ZFHX3: variants seen among roughly 807,000 people sequenced by gnomAD.
ZFHX3 encodes the protein zinc finger homeobox 3.
Under a neutral mutation model 279.1 loss-of-function variants are expected in ZFHX3, and 42 were observed. The ratio of observed to expected loss-of-function variants is 0.15; its 90% CI spans 0.12 to 0.19. The LOEUF is 0.19. ZFHX3 is among the 10% of genes least tolerant of loss of function. The pLI is 1.00. For synonymous variants in ZFHX3, 2,293 were observed against 1,957.8 expected, an observed-to-expected ratio of 1.17 and a Z score of -4.52; for missense variants, 4,981 against 4,754.0, an observed-to-expected ratio of 1.05 and a Z score of -1.40.
Position 73,068,725 on chromosome 16 carries a change from A to G in ZFHX3, c.-532-9713T>C, listed in dbSNP as rs568383290. 3.9e-5 allele frequency among the ~76,000 whole-genome samples: 6 copies of G among 152,330 alleles called. No homozygotes were observed. The East Asian group carries it at 9.6e-4, about 24-fold the overall frequency. On this transcript the variant is annotated intron_variant, in intron 8 of 17. Coordinates refer to the ZFHX3 transcript ENST00000641206. Reference sequence around the variant, plus strand: ...CAGATGACCAACTGCTCATGAAAAAATATGAGGAAATCCAGTAGACAGGGA... The same window carrying G: ...CAGATGACCAACTGCTCATGAAAAAGTATGAGGAAATCCAGTAGACAGGGA...
At chr16:73,207,407 C>A (rs2144906430) in intron 5 of ZFHX3, among the ~76,000 whole-genome samples, 1 of 152,262 alleles carries the variant, frequency 6.6e-6, no homozygotes, top group African/African-American at 2.4e-5. Flanking sequence ...AATGAGAAGG[C>A]TACCTGTGGT....
chr16:72,884,892 G>A (rs1244546551), intron 4 of ZFHX3, among the ~76,000 whole-genome samples: 1 of 152,222 alleles, frequency 6.6e-6, no homozygotes, highest in Admixed American at 6.5e-5. Flanking sequence ...GGCCAGTGAT[G>A]ACGAGTGGTT....
chr16:73,762,402 T>C (rs1252142612), intron 1 of ZFHX3, among the ~76,000 whole-genome samples: 1 of 152,300 alleles, frequency 6.6e-6, no homozygotes, highest in Admixed American at 6.5e-5. Context: ...GTTCAACCAT[T>C]GTGGAAGACA....
chr16:73,509,728 C>T (rs1216188741), intron 2 of ZFHX3, among the ~76,000 whole-genome samples: 7 of 130,230 alleles, frequency 5.4e-5, no homozygotes, highest in Non-Finnish European at 9.3e-5. Context: ...CAGGGTCTCG[C>T]TCTGTTGCCC....
chr16:73,160,645 G>C (rs1465386034), intron 5 of ZFHX3, among the ~76,000 whole-genome samples: 1 of 151,820 alleles, frequency 6.6e-6, no homozygotes, highest in Non-Finnish European at 1.5e-5. Flanking sequence ...TAATTGCTTG[G>C]TTCAAGGTAG....
At position 73,001,212 on chromosome 16, in the gene ZFHX3, G is replaced by A. The variant is rs536366705; in HGVS notation, c.-49-41018C>T. On this transcript the variant is annotated intron_variant, in intron 1 of 9. Coordinates refer to ENST00000268489, the MANE Select transcript of ZFHX3 (RefSeq NM_006885.4). Reference sequence around the variant, plus strand: ...GTGCCCCATTGTGAGCTGCTCTGTGGTGAGACCCACATGGCAAAGAACTGA... The same window carrying A: ...GTGCCCCATTGTGAGCTGCTCTGTGATGAGACCCACATGGCAAAGAACTGA... Among the ~76,000 whole-genome samples the A allele has an allele frequency of 4.6e-5, 7 of 152,300 alleles. No homozygotes were observed. In the South Asian group the frequency reaches 1.4e-3, roughly 32 times the overall value.
chr16:73,382,647 T>A (rs2016835774), intron 3 of ZFHX3, among the ~76,000 whole-genome samples: 4 of 152,220 alleles, frequency 2.6e-5, no homozygotes, highest in African/African-American at 9.7e-5. Context: ...GAAGGCTTAA[T>A]AGATGTTCAA....
At chr16:73,802,199 C>G (rs536347026) in intron 1 of ZFHX3, among the ~76,000 whole-genome samples, 2 of 152,138 alleles carry the variant, frequency 1.3e-5, no homozygotes. Context: ...CATAAAACCC[C>G]ACTCCCAGGA....
intron 2 of ZFHX3, among the ~76,000 whole-genome samples, chr16:73,590,770 T>C (rs373129573): frequency 1.3e-5 from 2 of 152,208 alleles, no homozygotes; most frequent in Non-Finnish European, 2.9e-5. Context: ...TCATAGGATA[T>C]TGCCATTTCA....
intron 5 of ZFHX3, among the ~76,000 whole-genome samples, chr16:73,176,390 C>T (rs1053896657): frequency 6.6e-5 from 10 of 152,154 alleles, no homozygotes; most frequent in Non-Finnish European, 1.0e-4. Context: ...AAGTCAAGTG[C>T]AGGTGAAAGC....
At chr16:73,548,852 A>T (rs913752180) in intron 2 of ZFHX3, among the ~76,000 whole-genome samples, 69 of 152,342 alleles carry the variant, frequency 4.5e-4, no homozygotes, top group African/African-American at 1.6e-3. Context: ...GTAAATTACG[A>T]TTCTCTATAA....
At chr16:73,633,518 A>T (rs1433521190) in intron 2 of ZFHX3, among the ~76,000 whole-genome samples, 1 of 152,212 alleles carries the variant, frequency 6.6e-6, no homozygotes, top group Non-Finnish European at 1.5e-5. Flanking sequence ...GGACTTCGAG[A>T]CTATTCGTAA....
At chr16:72,920,876 C>G (rs1341949673) in intron 3 of ZFHX3, among the ~76,000 whole-genome samples, 1 of 151,760 alleles carries the variant, frequency 6.6e-6, no homozygotes, top group Non-Finnish European at 1.5e-5. Context: ...TTGAGACCAG[C>G]CTGGGTAAGA....
intron 3 of ZFHX3, among the ~76,000 whole-genome samples, chr16:73,423,289 T>C (rs963315829): frequency 2.6e-5 from 4 of 152,196 alleles, no homozygotes; most frequent in African/African-American, 4.8e-5. Flanking sequence ...GACACAGTTT[T>C]ATAGCTAGAC....
rs2035333737 is a variant in ZFHX3, at chr16:72,785,607, G to GTCTT, written c.*1553_*1556dup. On this transcript the variant is annotated 3_prime_UTR_variant, in exon 10 of 10. Coordinates refer to ENST00000268489, the MANE Select transcript of ZFHX3 (RefSeq NM_006885.4). ...TTCTGCATCAGCAGTGAAAGGGTGT[G>GTCTT]TCTTTGGATTTTATTTAAAGCATGA... The GTCTT allele has an allele frequency of 6.6e-6, 1 of 152,446 alleles. No individual in the cohort carries two copies. Among genetic ancestry groups the GTCTT allele is most frequent in the Non-Finnish European group, 1.5e-5 (1 of 68,012 alleles). 9.4% of individuals were successfully genotyped at this position (152,446 alleles called of 1,614,324 possible).
At chr16:73,520,627 T>C (rs1340966156) in intron 2 of ZFHX3, among the ~76,000 whole-genome samples, 2 of 152,222 alleles carry the variant, frequency 1.3e-5, no homozygotes, top group Non-Finnish European at 2.9e-5. Flanking sequence ...GCATTCTTTG[T>C]ACAAACATCT....
intron 2 of ZFHX3, among the ~76,000 whole-genome samples, chr16:73,651,125 A>G (rs1230020235): frequency 6.6e-6 from 1 of 152,152 alleles, no homozygotes; most frequent in Non-Finnish European, 1.5e-5. Flanking sequence ...AAAAATATAG[A>G]AATTGAAATA....
At chr16:73,834,957 G>T (rs1961099090) in intron 1 of ZFHX3, among the ~76,000 whole-genome samples, 1 of 152,154 alleles carries the variant, frequency 6.6e-6, no homozygotes, top group East Asian at 1.9e-4. Context: ...GCACAAATGT[G>T]ACCTAGGCAA....
rs995300304 is a variant in ZFHX3 at position 73,326,694 on chromosome 16, G to A, written c.-1290-8358C>T. 5.8e-4 allele frequency among the ~76,000 whole-genome samples: 88 copies of A among 152,190 alleles called. 1 individual carries two copies. The highest frequency in any genetic ancestry group is 2.0e-3 in the African/African-American group (82 of 41,446). ...AAATATTCTCAACTTAGATTAGGGT[G>A]ATGGTTGCACAAACCTGTGAATATA... On this transcript the variant is annotated intron_variant, in intron 3 of 17. Transcript: ENST00000641206.
Sources: allele counts gnomAD v4.1 joint callset (sites outside exome capture counted in the v4.1 genomes callset), GRCh38; gene constraint gnomAD v4.1.1; transcripts MANE v1.5; gene names NCBI Gene and HGNC (gene_info 2026-07-23, HGNC 2026-07-21).